The following ABLIM2 variants were observed in gnomAD, a reference collection of about 807,000 sequenced individuals.
ABLIM2 encodes the protein actin-binding LIM protein 2.
A neutral mutation model predicts 97.7 loss-of-function variants in ABLIM2; 53 were observed. The ratio of observed to expected loss-of-function variants is 0.54; its 90% confidence interval spans 0.44 to 0.68. ABLIM2 has a LOEUF of 0.68. ABLIM2 is among the 30% of genes least tolerant of loss of function. The pLI, the probability that ABLIM2 is intolerant of heterozygous loss-of-function variation, is 0.00. For missense variants in ABLIM2, 835 were observed against 867.2 expected, an observed-to-expected ratio of 0.96 and a Z score of 0.47; for synonymous variants, 361 against 345.8, an observed-to-expected ratio of 1.04 and a Z score of -0.49.
chr4:8,025,253 C>T (rs1314822994), intron 12 of ABLIM2, among the ~76,000 whole-genome samples: 1 of 152,212 alleles, frequency 6.6e-6, no homozygotes, highest in African/African-American at 2.4e-5. Flanking sequence ...ACGAAGGGCA[C>T]TGGCAGGCAA....
Position 8,087,028 on chromosome 4 carries a change from C to A in ABLIM2, c.454+1141G>T, listed in dbSNP as rs1181212009. ...GGGCCAGTGCTGCACCTCGGGGAGG[C>A]TGGAAGTGGAATCGCCTCTGTAGAG... On this transcript the variant is annotated intron_variant, in intron 4 of 20. Transcript: ENST00000447017. This position sits in a 1 kb window ranked among gnomAD's most constrained non-coding sequence, Gnocchi z 4.6. 1.3e-5 allele frequency among the ~76,000 whole-genome samples: 2 copies of A among 152,094 alleles called. No homozygotes were observed. The highest frequency in any genetic ancestry group is 1.9e-4 in the East Asian group (1 of 5,184).
intron 20 of ABLIM2, among the ~76,000 whole-genome samples, chr4:7,978,177 A>G (rs6830083): frequency 0.17 from 26,343 of 152,034 alleles, 2,885 homozygotes; most frequent in East Asian, 0.51. Flanking sequence ...CCGCTCCTGC[A>G]CCCCCTCTGG....
At chr4:8,065,983 G>T (rs1365264400) in intron 6 of ABLIM2, among the ~76,000 whole-genome samples, 2 of 140,876 alleles carry the variant, frequency 1.4e-5, no homozygotes, top group Non-Finnish European at 3.1e-5. Flanking sequence ...GGGGAGGGGA[G>T]GGCAGGGGAG....
rs935085918 is a variant in ABLIM2 at position 8,061,701 on chromosome 4, C to G, written c.676-647G>C. On this transcript the variant is annotated intron_variant, in intron 6 of 20. Coordinates refer to ENST00000447017, the MANE Select transcript of ABLIM2 (RefSeq NM_001130083.2). The surrounding 1 kb of genome is among the most constrained non-coding windows in gnomAD (Gnocchi z 4.5). The stretch of plus-strand genomic sequence containing the variant: ...AAATGCTCCCTTTACCCCCACGTTC[C>G]AGCACACACTTCCTACCCTGAGGGC... 6.6e-6 allele frequency among the ~76,000 whole-genome samples: 1 copy of G among 151,854 alleles called. No homozygotes were observed. The highest frequency in any genetic ancestry group is 2.4e-5 in the African/African-American group (1 of 41,334).
intron 14 of ABLIM2, among the ~76,000 whole-genome samples, chr4:8,012,456 C>T (rs1765663039): frequency 7.3e-6 from 1 of 136,140 alleles, no homozygotes; most frequent in African/African-American, 2.7e-5. Flanking sequence ...CCCATTCGTT[C>T]ATTTACCCAT....
rs1848605294 is a variant in ABLIM2, at chr4:8,127,638, C to T, written c.11-21001G>A. The stretch of plus-strand genomic sequence containing the variant: ...TCCCTCTGCGTGGCTGGGCCTGGCA[C>T]CCACGGAGGATCGGGCAGGAGTGGA... On this transcript the variant is annotated intron_variant, in intron 1 of 20. Transcript: ENST00000447017. The surrounding 1 kb of genome is among the most constrained non-coding windows in gnomAD (Gnocchi z 7.3). 2 of 1,288,046 alleles carry T rather than the reference C, an allele frequency of 1.6e-6. No homozygotes were observed. The highest frequency in any genetic ancestry group is 2.5e-5 in the South Asian group (2 of 80,942). 79.8% of individuals were successfully genotyped at this position (1,288,046 alleles called of 1,614,324 possible).
At chr4:8,036,891 C>T (rs1023574033) in intron 9 of ABLIM2, among the ~76,000 whole-genome samples, 5 of 151,810 alleles carry the variant, frequency 3.3e-5, no homozygotes, top group Non-Finnish European at 7.4e-5. Context: ...CAAACACACA[C>T]GCATCCCTTA....
intron 1 of ABLIM2, among the ~76,000 whole-genome samples, chr4:8,111,153 T>C (rs981902771): frequency 6.6e-6 from 1 of 152,204 alleles, no homozygotes; most frequent in African/African-American, 2.4e-5. Flanking sequence ...CGATGAAATA[T>C]TATTCACCAA....
chr4:8,137,075 C>T (rs576258627), intron 1 of ABLIM2, among the ~76,000 whole-genome samples: 7 of 152,346 alleles, frequency 4.6e-5, no homozygotes, highest in South Asian at 4.1e-4. Flanking sequence ...GCCCACTCTC[C>T]GTGCCTCCCT....
rs1358615364 is a variant in ABLIM2, at chr4:8,075,751, C to T, written c.675+1877G>A. ...CCTTTAAATGGGCAAATTGTGAACT[C>T]TATCTCAATGAAGCTATTTAAAAAG... On this transcript the variant is annotated intron_variant, in intron 6 of 20. Transcript: ENST00000447017. The surrounding 1 kb of genome is among the most constrained non-coding windows in gnomAD (Gnocchi z 4.4). 6.6e-6 allele frequency among the ~76,000 whole-genome samples: 1 copy of T among 152,108 alleles called. No homozygotes were observed. The highest frequency in any genetic ancestry group is 1.5e-5 in the Non-Finnish European group (1 of 68,026).
Position 8,060,976 on chromosome 4 carries a change from AC to A in ABLIM2, c.753del (p.Met251IlefsTer48), listed in dbSNP as rs1280282162. On this transcript the variant is annotated frameshift_variant, in exon 7 of 21. Coordinates refer to ENST00000447017, the MANE Select transcript of ABLIM2 (RefSeq NM_001130083.2). LOFTEE classifies it high-confidence loss of function. ...ACATTTTAATTTGTACCTTGAAGAT[AC>A]ATCTCTTCGCCTTCTGCAAACATCT... ...CGQMFAEGEE[M>X]YLQGSSIWHP... The A allele has an allele frequency of 6.3e-7, 1 of 1,589,588 alleles. No individual in the cohort carries two copies. The highest frequency in any genetic ancestry group is 8.6e-7 in the Non-Finnish European group (1 of 1,167,818).
chr4:8,107,939 A>G (rs890513948), intron 1 of ABLIM2, among the ~76,000 whole-genome samples: 2 of 152,186 alleles, frequency 1.3e-5, no homozygotes, highest in Non-Finnish European at 2.9e-5. Context: ...AGGCAGAGGA[A>G]GGGGCCACAA....
At chr4:7,976,915 A>C (rs57365585) in intron 20 of ABLIM2, among the ~76,000 whole-genome samples, 5 of 95,610 alleles carry the variant, frequency 5.2e-5, no homozygotes, top group African/African-American at 1.6e-4. Flanking sequence ...GTACACACAC[A>C]CATACACACA....
chr4:7,983,222 G>A (rs375619424), intron 20 of ABLIM2, 42 bp downstream of exon 20: 37 of 1,570,286 alleles, frequency 2.4e-5, no homozygotes, highest in South Asian at 1.0e-4. Flanking sequence ...GGGGACTCTC[G>A]CATGGGAAAT....
chr4:8,037,743 G>A (rs1785484003), intron 9 of ABLIM2, among the ~76,000 whole-genome samples: 1 of 152,208 alleles, frequency 6.6e-6, no homozygotes, highest in South Asian at 2.1e-4. Flanking sequence ...CCTGGCATTT[G>A]ACAGGCCAGC....
chr4:8,024,167 C>T (rs976200570), intron 12 of ABLIM2, among the ~76,000 whole-genome samples: 1 of 152,190 alleles, frequency 6.6e-6, no homozygotes, highest in Non-Finnish European at 1.5e-5. Context: ...TCCCTCCTTC[C>T]TTCTCAGGCC....
At chr4:8,010,627 T>C in intron 14 of ABLIM2, 1 of 957,604 alleles carries the variant, frequency 1.0e-6, no homozygotes, top group South Asian at 4.8e-5. Flanking sequence ...TCTCAACGGC[T>C]ACCTGTTTCT....
intron 1 of ABLIM2, among the ~76,000 whole-genome samples, chr4:8,153,764 C>T (rs1447250894): frequency 6.6e-6 from 1 of 152,152 alleles, no homozygotes; most frequent in African/African-American, 2.4e-5. Flanking sequence ...AAGAAAAGGG[C>T]ACACAATGAA....
rs937435491 is a variant in ABLIM2 at position 8,068,670 on chromosome 4, C to T, written c.676-7616G>A. On this transcript the variant is annotated intron_variant, in intron 6 of 20. Coordinates refer to ENST00000447017, the MANE Select transcript of ABLIM2 (RefSeq NM_001130083.2). This position sits in a 1 kb window ranked among gnomAD's most constrained non-coding sequence, Gnocchi z 4.5. Reference sequence around the variant, plus strand: ...AAGGCCTCCTCTGCCCACTGGAGAGCTGCCACACTTCCCCTTGCTTCTTCC... The same window carrying T: ...AAGGCCTCCTCTGCCCACTGGAGAGTTGCCACACTTCCCCTTGCTTCTTCC... Among the ~76,000 whole-genome samples the T allele has an allele frequency of 6.6e-6, 1 of 152,226 alleles. No homozygotes were observed. Among genetic ancestry groups the T allele is most frequent in the African/African-American group, 2.4e-5 (1 of 41,452 alleles).
Sources: gnomAD v4.1 joint callset for allele counts (sites outside exome capture counted in the v4.1 genomes callset) on GRCh38, gnomAD v4.1.1 for gene constraint, Gnocchi (gnomAD v3.1) non-coding constraint, MANE v1.5 for transcripts, NCBI Gene and HGNC (gene_info 2026-07-23, HGNC 2026-07-21) for gene names.